COL4A2: variants seen among roughly 807,000 people sequenced by gnomAD.
COL4A2 encodes the protein collagen type IV alpha 2 chain.
In COL4A2, 99 loss-of-function variants were observed where a neutral mutation model predicts 200.2. The observed-to-expected ratio is 0.49, with a 90% confidence interval of 0.42 to 0.58. The LOEUF is 0.58. Among genes scored for constraint, COL4A2 ranks in the 20% least tolerant of loss-of-function variants. COL4A2 has a pLI of 0.00. For synonymous variants in COL4A2, 897 were observed against 900.6 expected, an observed-to-expected ratio of 1.00 and a Z score of 0.07; for missense variants, 1,950 against 2,314.1, an observed-to-expected ratio of 0.84 and a Z score of 3.23.
chr13:110,466,208 G>A (rs2139504476), intron 26 of COL4A2, 146 bp downstream of exon 26: 2 of 854,290 alleles, frequency 2.3e-6, no homozygotes, highest in South Asian at 4.1e-5. Context: ...ATAGTGGCCT[G>A]GTGAGCACTA....
intron 10 of COL4A2, among the ~76,000 whole-genome samples, chr13:110,432,008 G>A (rs1305682707): frequency 5.3e-5 from 8 of 152,204 alleles, no homozygotes; most frequent in African/African-American, 1.9e-4. Context: ...TGTCGCTGCA[G>A]TCACAGGGCC....
intron 27 of COL4A2, among the ~76,000 whole-genome samples, chr13:110,468,522 C>T (rs1464015348): frequency 6.6e-6 from 1 of 152,172 alleles, no homozygotes; most frequent in African/African-American, 2.4e-5. Flanking sequence ...GGGGCTCCCC[C>T]AGCCATACCC....
chr13:110,505,038 CATTAAAATTAAA>C (rs921805308), intron 45 of COL4A2, among the ~76,000 whole-genome samples: 1 of 151,182 alleles, frequency 6.6e-6, no homozygotes, highest in Non-Finnish European at 1.5e-5. Flanking sequence ...ATGGTCTGAG[CATTAAAATTAAA>C]ATTAAAATTA....
At chr13:110,333,729 C>T (rs963467651) in intron 3 of COL4A2, among the ~76,000 whole-genome samples, 6 of 152,172 alleles carry the variant, frequency 3.9e-5, no homozygotes, top group African/African-American at 9.7e-5. Flanking sequence ...AGTCTGAACT[C>T]GTTGCCATAT....
intron 4 of COL4A2, among the ~76,000 whole-genome samples, chr13:110,419,209 A>G (rs1880153156): frequency 6.6e-6 from 1 of 152,188 alleles, no homozygotes. Flanking sequence ...TGAGACAGGA[A>G]GAGTCCGCTT....
chr13:110,352,013 G>C (rs2139381877), intron 3 of COL4A2, among the ~76,000 whole-genome samples: 1 of 152,304 alleles, frequency 6.6e-6, no homozygotes, highest in East Asian at 1.9e-4. Flanking sequence ...GAGCACAGCA[G>C]TGTTGGAGCA....
At chr13:110,455,180 C>G (rs1383625612) in intron 20 of COL4A2, among the ~76,000 whole-genome samples, 1 of 152,162 alleles carries the variant, frequency 6.6e-6, no homozygotes, top group Non-Finnish European at 1.5e-5. Flanking sequence ...GACCGCGTAG[C>G]CTCCCTCCTT....
chr13:110,485,744 A>G lies in COL4A2; in HGVS notation c.3115A>G (p.Ile1039Val). 5.6e-6 allele frequency: 9 copies of G among 1,613,898 alleles called. No individual in the cohort carries two copies. Among genetic ancestry groups the G allele is most frequent in the Non-Finnish European group, 7.6e-6 (9 of 1,179,950 alleles). The change falls in exon 34 of 48, where the codon ATC (isoleucine) becomes GTC (valine). Residue 1039 changes from isoleucine (I) to valine (V), a missense_variant. Transcript: ENST00000360467. ...CCACATCAAAGGAGTCAAGGGAGAC[A>G]TCGGAGTCCCCGGCATCCCCGGTTT... ...PGHIKGVKGD[I>V]GVPGIPGLPG...
chr13:110,326,419 T>C (rs995426802), intron 3 of COL4A2, among the ~76,000 whole-genome samples: 1 of 152,196 alleles, frequency 6.6e-6, no homozygotes, highest in African/African-American at 2.4e-5. Context: ...TCTGTCTCCC[T>C]AGTGGCAGCT....
chr13:110,445,647 A>G (rs1881292001), intron 16 of COL4A2, among the ~76,000 whole-genome samples, 182 bp from the exon 17 acceptor site: 1 of 152,242 alleles, frequency 6.6e-6, no homozygotes, highest in Non-Finnish European at 1.5e-5. Flanking sequence ...TCCTGGTTCT[A>G]GCAAAGCAAC....
chr13:110,416,583 C>T (rs1204325599), intron 4 of COL4A2, among the ~76,000 whole-genome samples: 3 of 152,234 alleles, frequency 2.0e-5, no homozygotes, highest in Non-Finnish European at 4.4e-5. Flanking sequence ...CACCCATGTG[C>T]TGCCTATTTT....
At chr13:110,469,712 G>T (rs1369568347) in intron 28 of COL4A2, among the ~76,000 whole-genome samples, 2 of 152,140 alleles carry the variant, frequency 1.3e-5, no homozygotes, top group Non-Finnish European at 2.9e-5. Context: ...GTGGCTGCAA[G>T]AGCTTAAGGC....
At chr13:110,438,380 C>T (rs1880980822) in intron 14 of COL4A2, among the ~76,000 whole-genome samples, 1 of 152,240 alleles carries the variant, frequency 6.6e-6, no homozygotes, top group Admixed American at 6.5e-5. Flanking sequence ...AGCTCTCCCT[C>T]GCGGTCGCTT....
intron 4 of COL4A2, among the ~76,000 whole-genome samples, chr13:110,408,996 A>ACG (rs1879710623): frequency 9.0e-5 from 1 of 11,056 alleles, no homozygotes; most frequent in African/African-American, 2.3e-4. Flanking sequence ...GCACACACGC[A>ACG]CACATACACA....
chr13:110,485,608 G>C, intron 33 of COL4A2, 47 bp from the exon 34 acceptor site: 1 of 1,475,500 alleles, frequency 6.8e-7, no homozygotes, highest in Non-Finnish European at 9.2e-7. Context: ...CTGGAGGGCG[G>C]GTGCTGCGTC....
chr13:110,399,449 A>C (rs972330554), intron 4 of COL4A2, among the ~76,000 whole-genome samples: 20 of 152,208 alleles, frequency 1.3e-4, no homozygotes, highest in Admixed American at 8.5e-4. Flanking sequence ...AGCTTTACCC[A>C]TAATGGGCTT....
chr13:110,489,650 C>G (rs561517836), intron 35 of COL4A2, 61 bp from the exon 36 acceptor site: 2 of 1,607,962 alleles, frequency 1.2e-6, no homozygotes, highest in East Asian at 2.2e-5. Context: ...ATAGAAGTTG[C>G]AAAACTCACA....
chr13:110,457,933 G>A (rs1881840859), intron 21 of COL4A2, among the ~76,000 whole-genome samples: 1 of 152,120 alleles, frequency 6.6e-6, no homozygotes, highest in Admixed American at 6.5e-5. Flanking sequence ...ACTTGGAACA[G>A]GTGGTCTTTG....
At chr13:110,325,251 G>A (rs1194593909) in intron 3 of COL4A2, among the ~76,000 whole-genome samples, 1 of 152,166 alleles carries the variant, frequency 6.6e-6, no homozygotes, top group African/African-American at 2.4e-5. Context: ...TGACACTAAT[G>A]CTTTGTGGAG....
Sources: allele counts gnomAD v4.1 joint callset (sites outside exome capture counted in the v4.1 genomes callset), GRCh38; gene constraint gnomAD v4.1.1; transcripts MANE v1.5; gene names NCBI Gene and HGNC (gene_info 2026-07-23, HGNC 2026-07-21).